The following HDAC9 variants were observed in gnomAD, a reference collection of about 807,000 sequenced individuals.
The protein encoded by HDAC9 is MEF-2 interacting transcription repressor (MITR) protein.
A neutral mutation model predicts 139.4 loss-of-function variants in HDAC9; 41 were observed. The observed-to-expected ratio is 0.29, with a 90% CI of 0.23 to 0.38. HDAC9 has a LOEUF of 0.38. HDAC9 is among the 10% of genes least tolerant of loss of function. The pLI is 1.00. For missense variants in HDAC9, 1,147 were observed against 1,297.0 expected (o/e 0.88, Z 1.78); for synonymous variants, 517 against 476.2 (o/e 1.09, Z -1.12).
At position 18,648,541 on chromosome 7, in the gene HDAC9, A is replaced by T. The variant is rs756106059; in HGVS notation, c.1325A>T (p.Lys442Ile). 6.2e-7 allele frequency: 1 copy of T among 1,613,620 alleles called. No homozygotes were observed. Among genetic ancestry groups the T allele is most frequent in the Non-Finnish European group, 8.5e-7 (1 of 1,179,764 alleles). The change falls in exon 11 of 26, where the codon AAA (lysine) becomes ATA (isoleucine). Residue 442 changes from lysine to isoleucine, a missense_variant. Transcript: ENST00000686413. ...TCACCTGGCATTAGAGGTACCCACAAATTGCCCCGTCACAGACCCCTGAAC... is the reference window on the plus strand; with the variant it reads ...TCACCTGGCATTAGAGGTACCCACATATTGCCCCGTCACAGACCCCTGAAC... ...RISPGIRGTH[K>I]LPRHRPLNRT...
chr7:18,152,089 A>G (rs1041661602), intron 1 of HDAC9, among the ~76,000 whole-genome samples: 1 of 146,828 alleles, frequency 6.8e-6, no homozygotes, highest in Non-Finnish European at 1.5e-5. Flanking sequence ...TTCCTGTAGC[A>G]CTTGTGCTGT....
intron 1 of HDAC9, among the ~76,000 whole-genome samples, chr7:18,137,741 A>G (rs955061874): frequency 4.6e-5 from 7 of 152,278 alleles, no homozygotes; most frequent in African/African-American, 1.7e-4. Flanking sequence ...ATCAATGTTC[A>G]TCAAGGATAT....
chr7:18,821,537 C>G (rs1794973389), intron 17 of HDAC9, among the ~76,000 whole-genome samples: 1 of 152,200 alleles, frequency 6.6e-6, no homozygotes, highest in African/African-American at 2.4e-5. Flanking sequence ...CAAAATAAAA[C>G]TGATGCAGCG....
intron 22 of HDAC9, among the ~76,000 whole-genome samples, chr7:18,877,722 A>C (rs1220079723): frequency 6.6e-6 from 1 of 152,172 alleles, no homozygotes; most frequent in African/African-American, 2.4e-5. Flanking sequence ...GAAAAATAAT[A>C]ATAAAAGGTT....
chr7:18,662,420 G>A (rs992408623), intron 11 of HDAC9, among the ~76,000 whole-genome samples: 1 of 149,266 alleles, frequency 6.7e-6, no homozygotes, highest in African/African-American at 2.5e-5. Context: ...TGGGGGAGGA[G>A]GTCAAGGAAA....
intron 1 of HDAC9, among the ~76,000 whole-genome samples, chr7:18,466,531 T>C (rs979364600): frequency 6.6e-6 from 1 of 152,152 alleles, no homozygotes; most frequent in African/African-American, 2.4e-5. Context: ...GCCAGTAATA[T>C]TGGGTAGACG....
intron 2 of HDAC9, among the ~76,000 whole-genome samples, chr7:18,192,471 G>A (rs1448355686): frequency 6.6e-6 from 1 of 152,066 alleles, no homozygotes; most frequent in African/African-American, 2.4e-5. Flanking sequence ...CATGCACCCT[G>A]GGAAAATCAC....
At chr7:18,885,531 T>A (rs1255756703) in intron 22 of HDAC9, among the ~76,000 whole-genome samples, 1 of 152,202 alleles carries the variant, frequency 6.6e-6, no homozygotes, top group African/African-American at 2.4e-5. Context: ...ATATTTCTAA[T>A]TTTAAAAGTA....
intron 2 of HDAC9, among the ~76,000 whole-genome samples, chr7:18,186,140 C>G (rs1156439533): frequency 6.6e-6 from 1 of 152,280 alleles, no homozygotes; most frequent in Non-Finnish European, 1.5e-5. Flanking sequence ...GTTAACATGT[C>G]TAAAGTTATA....
chr7:18,552,991 A>G (rs530296086), intron 2 of HDAC9, among the ~76,000 whole-genome samples: 157 of 152,338 alleles, frequency 1.0e-3, no homozygotes, highest in African/African-American at 3.7e-3. Context: ...GAGTAGTTGC[A>G]TTAACTCTTT....
chr7:18,945,921 C>A (rs1782354803), intron 23 of HDAC9, among the ~76,000 whole-genome samples: 1 of 151,372 alleles, frequency 6.6e-6, no homozygotes, highest in Non-Finnish European at 1.5e-5. Flanking sequence ...CCTGTATTCC[C>A]AGCTACTCAG....
At chr7:18,154,960 C>T (rs1787069407) in intron 1 of HDAC9, among the ~76,000 whole-genome samples, 1 of 152,178 alleles carries the variant, frequency 6.6e-6, no homozygotes, top group Non-Finnish European at 1.5e-5. Flanking sequence ...CCTCCTGCTG[C>T]ACAGGTATCA....
intron 12 of HDAC9, among the ~76,000 whole-genome samples, chr7:18,698,047 A>G (rs1783185608): frequency 6.6e-6 from 1 of 152,192 alleles, no homozygotes; most frequent in Admixed American, 6.5e-5. Flanking sequence ...TTATGTGATT[A>G]TGAGAAAAAG....
At chr7:18,197,496 C>T (rs566654777) in intron 2 of HDAC9, among the ~76,000 whole-genome samples, 1 of 152,120 alleles carries the variant, frequency 6.6e-6, no homozygotes, top group Admixed American at 6.6e-5. Context: ...GTGGGTGAGG[C>T]TGGATGTTGC....
chr7:18,262,132 C>T (rs1795721817), intron 2 of HDAC9, among the ~76,000 whole-genome samples: 1 of 152,098 alleles, frequency 6.6e-6, no homozygotes, highest in South Asian at 2.1e-4. Context: ...CAAAACAAAG[C>T]AATTAACTGC....
At chr7:18,500,552 A>T (rs571785424) in intron 2 of HDAC9, among the ~76,000 whole-genome samples, 27 of 152,284 alleles carry the variant, frequency 1.8e-4, no homozygotes, top group Admixed American at 5.9e-4. Context: ...GTTCCTGAGG[A>T]TTCTCACTAA....
intron 2 of HDAC9, among the ~76,000 whole-genome samples, chr7:18,261,968 T>A (rs2128207253): frequency 1.3e-5 from 2 of 152,370 alleles, no homozygotes; most frequent in Middle Eastern, 3.4e-3. Context: ...AAGCAGCTAA[T>A]ATTTTGTTTA....
upstream of HDAC9, chr7:18,086,903 CGCG>C (rs535747379): frequency 0.065 from 9,455 of 144,496 alleles, 624 homozygotes; most frequent in African/African-American, 0.16. Context: ...GCCCCCCCCG[CGCG>C]GCGGCGGCGG....
In HDAC9 at chr7:18,685,228, T is replaced by C. The variant is rs78508843; in HGVS notation, c.1731+18752T>C. On this transcript the variant is annotated intron_variant, in intron 12 of 25. Transcript: ENST00000686413. Reference sequence around the variant, plus strand: ...TTGCTGGAAAGCTCATAAAATGAAGTGTCATTATGCACTGTGCTATACCAT... The same window carrying C: ...TTGCTGGAAAGCTCATAAAATGAAGCGTCATTATGCACTGTGCTATACCAT... Among the ~76,000 whole-genome samples, 714 of 152,164 alleles carry C rather than the reference T, an allele frequency of 4.7e-3. 4 individuals carry two copies. The highest frequency in any genetic ancestry group is 0.015 in the African/African-American group (616 of 41,544).
Sources: gnomAD v4.1 joint callset for allele counts (sites outside exome capture counted in the v4.1 genomes callset) on GRCh38, gnomAD v4.1.1 for gene constraint, MANE v1.5 for transcripts, NCBI Gene and HGNC (gene_info 2026-07-23, HGNC 2026-07-21) for gene names.